LIPG: variants seen among roughly 807,000 people sequenced by gnomAD.
LIPG encodes endothelial lipase.
Under a neutral mutation model 51.8 loss-of-function variants are expected in LIPG, and 34 were observed. The ratio of observed to expected loss-of-function variants is 0.66; its 90% CI spans 0.50 to 0.87. LIPG has a LOEUF of 0.87. Among genes scored for constraint, LIPG ranks in the 40% least tolerant of loss-of-function variants. LIPG has a pLI of 0.00. For synonymous variants in LIPG, 246 were observed against 246.1 expected, an observed-to-expected ratio of 1.00 and a Z score of 0.00; for missense variants, 580 against 652.7, an observed-to-expected ratio of 0.89 and a Z score of 1.21.
chr18:49,573,012 G>C (rs2084679530), intron 4 of LIPG, among the ~76,000 whole-genome samples: 1 of 152,176 alleles, frequency 6.6e-6, no homozygotes, highest in Admixed American at 6.5e-5. Context: ...ATATGTGTCA[G>C]GGACAGTCAG....
In LIPG at chr18:49,582,388, G is replaced by A; in HGVS notation, c.1063G>A (p.Val355Ile). Residue 355 changes from valine (V) to isoleucine (I), a missense_variant, in exon 7 of 10, where the codon GTC becomes ATC. By Grantham distance (29) the Val-to-Ile change is conservative (BLOSUM62 3). Transcript: ENST00000261292. ...TTACCATTATCAGATGAAAATCCAT[G>A]TCTTCAGTTACAAGAACATGGGAGA... ...RVYHYQMKIH[V>I]FSYKNMGEIE... The A allele has an allele frequency of 6.2e-7, 1 of 1,614,182 alleles. No homozygotes were observed. The highest frequency in any genetic ancestry group is 8.5e-7 in the Non-Finnish European group (1 of 1,180,026).
chr18:49,565,188 T>G (rs2084589616), intron 1 of LIPG, 129 bp from the exon 2 acceptor site: 5 of 794,330 alleles, frequency 6.3e-6, no homozygotes, highest in Non-Finnish European at 1.1e-5. Flanking sequence ...AAAGGGAACA[T>G]TCAGCAGATG....
chr18:49,569,476 G>A lies in LIPG; in HGVS notation c.499G>A (p.Gly167Ser), dbSNP rs889125342. 6 of 1,614,050 alleles carry A rather than the reference G, an allele frequency of 3.7e-6. No individual in the cohort carries two copies. In the African/African-American group the frequency reaches 5.3e-5, roughly 14 times the overall value. ...TTCTCTCGGGAATGTCCACTTGATC[G>A]GCTACAGCCTCGGAGCGCACGTGGC... The part of the protein sequence containing the change: ...DFSLGNVHLI[G>S]YSLGAHVAGY... The change falls in exon 4 of 10, where the codon GGC becomes AGC. Residue 167 changes from glycine to serine, a missense_variant. Physicochemically the swap from Gly to Ser is moderately conservative, Grantham distance 56. Coordinates refer to ENST00000261292, the MANE Select transcript of LIPG (RefSeq NM_006033.4).
At chr18:49,564,961 C>G (rs940413621) in intron 1 of LIPG, among the ~76,000 whole-genome samples, 1 of 152,140 alleles carries the variant, frequency 6.6e-6, no homozygotes, top group Non-Finnish European at 1.5e-5. Flanking sequence ...CTGAAACTCA[C>G]CTGGTCCCAA....
intron 4 of LIPG, among the ~76,000 whole-genome samples, chr18:49,572,816 ACATGTGTG>A (rs1039065374): frequency 1.3e-5 from 2 of 151,936 alleles, no homozygotes; most frequent in African/African-American, 2.4e-5. Flanking sequence ...TGGAAGTTTT[ACATGTGTG>A]CATGTGTGTG....
At chr18:49,586,897 A>T in intron 9 of LIPG, 47 bp downstream of exon 9, 1 of 1,330,028 alleles carries the variant, frequency 7.5e-7, no homozygotes, top group Non-Finnish European at 1.1e-6. Context: ...CGTTGACATG[A>T]TGATCTCCTA....
chr18:49,578,758 C>T (rs1446628118), intron 5 of LIPG, among the ~76,000 whole-genome samples: 18 of 150,836 alleles, frequency 1.2e-4, no homozygotes, highest in African/African-American at 3.2e-4. Context: ...AAGGAGACTC[C>T]GTCTGCAATC....
In LIPG at chr18:49,565,380, G is replaced by A. The variant is rs755353378; in HGVS notation, c.161G>A (p.Arg54His). 4.3e-6 allele frequency: 7 copies of A among 1,614,154 alleles called. No individual in the cohort carries two copies. Among genetic ancestry groups the A allele is most frequent in the South Asian group, 1.1e-5 (1 of 91,078 alleles). Residue 54 changes from arginine to histidine, a missense_variant, in exon 2 of 10, where the codon CGC becomes CAC. Physicochemically the swap from Arg to His is conservative, Grantham distance 29. Transcript: ENST00000261292. ...EVKPSVRFNLRTSKDPEHEGC... is the reference protein window; with the variant it reads ...EVKPSVRFNLHTSKDPEHEGC... Reference sequence around the variant, plus strand: ...AAACCATCTGTGAGGTTTAACCTCCGCACCTCCAAGGACCCAGAGCATGAA... The same window carrying A: ...AAACCATCTGTGAGGTTTAACCTCCACACCTCCAAGGACCCAGAGCATGAA...
chr18:49,562,099 A>ATC lies in LIPG; in HGVS notation c.-207_-206dup. 1 of 1,449,302 alleles carries ATC rather than the reference A, an allele frequency of 6.9e-7. No individual in the cohort carries two copies. The highest frequency in any genetic ancestry group is 9.0e-7 in the Non-Finnish European group (1 of 1,109,684). The allele number at this position is 1,449,302 out of a possible 1,614,324, so 89.8% of individuals were successfully genotyped here. A position where few individuals can be genotyped will look rare whatever the true frequency, so the allele number is the denominator to read the frequency against. On this transcript the variant is annotated 5_prime_UTR_variant, in exon 1 of 10. Coordinates refer to ENST00000261292, the MANE Select transcript of LIPG (RefSeq NM_006033.4). ...TCCCGGCGGCTCAGGACGAGGGCAGATCTCGTTCTGGGGCAAGCCGTTGAC... is the reference window on the plus strand; with the variant it reads ...TCCCGGCGGCTCAGGACGAGGGCAGATCTCTCGTTCTGGGGCAAGCCGTTGAC...
intron 7 of LIPG, among the ~76,000 whole-genome samples, chr18:49,582,688 G>A (rs1435510229): frequency 1.3e-5 from 2 of 152,216 alleles, no homozygotes; most frequent in African/African-American, 4.8e-5. Context: ...GCGTTTCGGG[G>A]AGAAAAGTTC....
chr18:49,583,957 G>A (rs923543603), intron 8 of LIPG, among the ~76,000 whole-genome samples, 183 bp downstream of exon 8: 1 of 152,190 alleles, frequency 6.6e-6, no homozygotes, highest in South Asian at 2.1e-4. Flanking sequence ...AAACTGTTAC[G>A]CATCTCATGC....
upstream of LIPG, chr18:49,561,573 G>C: frequency 1.3e-6 from 1 of 796,082 alleles, no homozygotes; most frequent in East Asian, 3.4e-5. Flanking sequence ...CGGGAAGGGA[G>C]GGAGAAGAGG....
Position 49,592,008 on chromosome 18 carries a change from A to G in LIPG, c.*1486A>G, listed in dbSNP as rs1056565013. 2 of 152,120 alleles carry G rather than the reference A, an allele frequency of 1.3e-5. No individual in the cohort carries two copies. Among genetic ancestry groups the G allele is most frequent in the Non-Finnish European group, 2.9e-5 (2 of 68,026 alleles). The allele number at this position is 152,120 out of a possible 1,614,324, so 9.4% of individuals were successfully genotyped here. ...TTTTTTATATAGAGCCATCCATAAAATCCTAAGCCCTTTTATTAATGTATA... is the reference window on the plus strand; with the variant it reads ...TTTTTTATATAGAGCCATCCATAAAGTCCTAAGCCCTTTTATTAATGTATA... On this transcript the variant is annotated 3_prime_UTR_variant, in exon 10 of 10. Coordinates refer to ENST00000261292, the MANE Select transcript of LIPG (RefSeq NM_006033.4).
rs1219687482 is a variant in LIPG, at chr18:49,594,524, C to A, written c.*4002C>A. The stretch of plus-strand genomic sequence containing the variant: ...CTATTTATTAAAAGGGAAATTGGAT[C>A]TTGCCATCCGTTTATCAGGAATTAG... On this transcript the variant is annotated 3_prime_UTR_variant, in exon 10 of 10. Coordinates refer to ENST00000261292, the MANE Select transcript of LIPG (RefSeq NM_006033.4). 1 of 152,190 alleles carries A rather than the reference C, an allele frequency of 6.6e-6. No homozygotes were observed. Among genetic ancestry groups the A allele is most frequent in the Non-Finnish European group, 1.5e-5 (1 of 68,034 alleles). 9.4% of individuals were successfully genotyped at this position (152,190 alleles called of 1,614,324 possible). A position where few individuals can be genotyped will look rare whatever the true frequency, so the allele number is the denominator to read the frequency against.
In LIPG at chr18:49,562,276, TC is replaced by T. The variant is rs538112537; in HGVS notation, c.-32del. 5.6e-6 allele frequency: 9 copies of T among 1,612,576 alleles called. No individual in the cohort carries two copies. The Admixed American group carries it at 1.5e-4, about 27-fold the overall frequency. On this transcript the variant is annotated 5_prime_UTR_variant, in exon 1 of 10. Transcript: ENST00000261292. ...GAGGTGGTTTTTGTTTTTTAAAACT[TC>T]TGTTTCTTGGGAGGGGGTGTGGCGG... is the stretch of plus-strand genomic sequence containing the variant.
At chr18:49,569,719 T>C (rs957247332) in intron 4 of LIPG, among the ~76,000 whole-genome samples, 171 bp downstream of exon 4, 7 of 151,858 alleles carry the variant, frequency 4.6e-5, no homozygotes, top group Middle Eastern at 3.4e-3. Context: ...TTTTTTTTTT[T>C]CCAAATTGAA....
chr18:49,583,292 A>G (rs766172918), intron 7 of LIPG, among the ~76,000 whole-genome samples: 2 of 152,192 alleles, frequency 1.3e-5, no homozygotes, highest in Admixed American at 6.5e-5. Context: ...AGGAAGTAGC[A>G]TAAGTGGGGT....
chr18:49,580,951 G>A (rs143684710), intron 5 of LIPG, among the ~76,000 whole-genome samples: 83 of 152,278 alleles, frequency 5.5e-4, no homozygotes, highest in African/African-American at 1.9e-3. Flanking sequence ...CTAGCACCTT[G>A]CTGGACATTA....
Position 49,593,814 on chromosome 18 carries a change from T to G in LIPG, c.*3292T>G, listed in dbSNP as rs1025788993. ...TCACATGACAGGCTGGGAAATACAG[T>G]CTTTATTTAGGGTGCCCATGGGCCC... On this transcript the variant is annotated 3_prime_UTR_variant, in exon 10 of 10. Transcript: ENST00000261292. The G allele has an allele frequency of 6.6e-6, 1 of 152,118 alleles. No homozygotes were observed. The allele number at this position is 152,118 out of a possible 1,614,324, so 9.4% of individuals were successfully genotyped here. A position where few individuals can be genotyped will look rare whatever the true frequency, so the allele number is the denominator to read the frequency against.
Sources: gnomAD v4.1 joint callset for allele counts (sites outside exome capture counted in the v4.1 genomes callset) on GRCh38, gnomAD v4.1.1 for gene constraint, MANE v1.5 for transcripts, NCBI Gene and HGNC (gene_info 2026-07-23, HGNC 2026-07-21) for gene names.